The following NKAIN3 variants were observed in gnomAD, a reference collection of about 807,000 sequenced individuals.
NKAIN3 encodes sodium/potassium transporting ATPase interacting 3.
NKAIN3 carries 25 observed loss-of-function variants against 30.2 expected under a neutral mutation model. The ratio of observed to expected loss-of-function variants is 0.83; its 90% confidence interval spans 0.60 to 1.16. NKAIN3 has a LOEUF of 1.16. Among genes scored for constraint, NKAIN3 ranks in the 50% most tolerant of loss-of-function variants. NKAIN3 has a pLI of 0.00. For synonymous variants in NKAIN3, 91 were observed against 89.6 expected (o/e 1.02, Z -0.09); for missense variants, 225 against 254.1 (o/e 0.89, Z 0.78).
At chr8:62,348,267 C>T (rs912237674) in intron 1 of NKAIN3, among the ~76,000 whole-genome samples, 12 of 151,930 alleles carry the variant, frequency 7.9e-5, no homozygotes, top group African/African-American at 1.5e-4. Context: ...ATAAATTATT[C>T]GACTTAAACT....
intron 4 of NKAIN3, among the ~76,000 whole-genome samples, chr8:62,847,524 A>G (rs1186889505): frequency 6.6e-6 from 1 of 152,024 alleles, no homozygotes; most frequent in African/African-American, 2.4e-5. Context: ...CCACTTTTTA[A>G]TGGAGTTGTT....
In NKAIN3 at chr8:62,249,053, C is replaced by T. The variant is rs2272013; in HGVS notation, c.-21C>T. On this transcript the variant is annotated 5_prime_UTR_variant, in exon 1 of 7. Coordinates refer to ENST00000623646, the MANE Select transcript of NKAIN3 (RefSeq NM_001304533.3). ...GACGAGGATCTCTGGCAGTCAGCGC[C>T]GCTCGGACGCCGCCGGCACCATGGG... 2.6e-6 allele frequency: 4 copies of T among 1,532,078 alleles called. No homozygotes were observed. Among genetic ancestry groups the T allele is most frequent in the African/African-American group, 1.4e-5 (1 of 70,874 alleles). 94.9% of individuals were successfully genotyped at this position (1,532,078 alleles called of 1,614,324 possible).
At chr8:62,603,620 A>C (rs1811044249) in intron 3 of NKAIN3, among the ~76,000 whole-genome samples, 1 of 152,124 alleles carries the variant, frequency 6.6e-6, no homozygotes, top group Non-Finnish European at 1.5e-5. Flanking sequence ...CCATGCTATA[A>C]TGGCATGAGG....
At chr8:62,706,205 A>G (rs1182929328) in intron 3 of NKAIN3, among the ~76,000 whole-genome samples, 1 of 152,154 alleles carries the variant, frequency 6.6e-6, no homozygotes, top group East Asian at 1.9e-4. Flanking sequence ...TTCAGTATTC[A>G]GTATGCATCT....
chr8:62,844,085 C>CTG (rs1325926431), intron 4 of NKAIN3, among the ~76,000 whole-genome samples: 4 of 152,200 alleles, frequency 2.6e-5, no homozygotes, highest in Non-Finnish European at 5.9e-5. Context: ...CAAATTAATA[C>CTG]TGTAGTAACA....
At chr8:62,530,092 A>G (rs1466972776) in intron 1 of NKAIN3, among the ~76,000 whole-genome samples, 1 of 152,148 alleles carries the variant, frequency 6.6e-6, no homozygotes, top group African/African-American at 2.4e-5. Context: ...TTGTAATTAT[A>G]ATAGAAACAA....
intron 4 of NKAIN3, among the ~76,000 whole-genome samples, chr8:62,748,490 T>G (rs1816162239): frequency 6.6e-6 from 1 of 152,168 alleles, no homozygotes; most frequent in African/African-American, 2.4e-5. Context: ...ACTCAGCCTG[T>G]AGTTAATGTG....
intron 4 of NKAIN3, among the ~76,000 whole-genome samples, chr8:62,880,578 A>C (rs758921405): frequency 2.0e-4 from 30 of 152,232 alleles, no homozygotes; most frequent in Non-Finnish European, 3.5e-4. Context: ...TGCACACTTT[A>C]AGTAGATTGA....
chr8:62,314,545 A>G (rs1814550258), intron 1 of NKAIN3, among the ~76,000 whole-genome samples: 1 of 152,206 alleles, frequency 6.6e-6, no homozygotes, highest in Non-Finnish European at 1.5e-5. Flanking sequence ...TTTCCTTGTG[A>G]AAAGGACTCT....
At chr8:62,637,687 C>T (rs1372043090) in intron 3 of NKAIN3, among the ~76,000 whole-genome samples, 4 of 152,100 alleles carry the variant, frequency 2.6e-5, no homozygotes, top group East Asian at 1.9e-4. Context: ...AATTGCACAG[C>T]GATGGTTCAA....
chr8:62,351,785 C>G (rs998466546), intron 1 of NKAIN3, among the ~76,000 whole-genome samples: 3 of 152,100 alleles, frequency 2.0e-5, no homozygotes, highest in Non-Finnish European at 2.9e-5. Flanking sequence ...TTCTATTGGA[C>G]TGAACATAAT....
At chr8:62,594,559 C>G (rs1333892540) in intron 3 of NKAIN3, among the ~76,000 whole-genome samples, 2 of 152,016 alleles carry the variant, frequency 1.3e-5, no homozygotes, top group Non-Finnish European at 1.5e-5. Flanking sequence ...CTACAAAGGC[C>G]CAACCAAATG....
At chr8:62,337,870 A>G (rs1389524216) in intron 1 of NKAIN3, among the ~76,000 whole-genome samples, 1 of 152,058 alleles carries the variant, frequency 6.6e-6, no homozygotes, top group Non-Finnish European at 1.5e-5. Context: ...GTGAAAAACA[A>G]CTGGTCAAGA....
chr8:62,941,035 G>T (rs566957811), intron 5 of NKAIN3, among the ~76,000 whole-genome samples: 2 of 151,302 alleles, frequency 1.3e-5, no homozygotes, highest in African/African-American at 4.8e-5. Flanking sequence ...AAAAGAGAGA[G>T]AATCCAAATA....
intron 5 of NKAIN3, among the ~76,000 whole-genome samples, chr8:62,919,251 TTTTTTTTTTTTG>T (rs1441062396): frequency 8.8e-6 from 1 of 113,132 alleles, no homozygotes; most frequent in African/African-American, 3.6e-5. Flanking sequence ...TTTTTTTTTT[TTTTTTTTTTTTG>T]AGACGGAGTC....
chr8:62,607,770 G>A (rs1323276954), intron 3 of NKAIN3, among the ~76,000 whole-genome samples: 1 of 151,934 alleles, frequency 6.6e-6, no homozygotes, highest in Non-Finnish European at 1.5e-5. Flanking sequence ...GTATCCTGAA[G>A]GATGACTGCT....
chr8:62,433,796 G>A (rs1300282949), intron 1 of NKAIN3, among the ~76,000 whole-genome samples: 1 of 152,010 alleles, frequency 6.6e-6, no homozygotes, highest in East Asian at 1.9e-4. Flanking sequence ...AACTTCCCTG[G>A]CATAAATATC....
At position 62,675,237 on chromosome 8, in the gene NKAIN3, C is replaced by T. The variant is rs76596688; in HGVS notation, c.274-71695C>T. Among the ~76,000 whole-genome samples, 546 of 152,192 alleles carry T rather than the reference C, an allele frequency of 3.6e-3. 5 individuals are homozygous for T. Among genetic ancestry groups the T allele is most frequent in the African/African-American group, 0.012 (508 of 41,512 alleles). On this transcript the variant is annotated intron_variant, in intron 3 of 6. Coordinates refer to ENST00000623646, the MANE Select transcript of NKAIN3 (RefSeq NM_001304533.3). Reference sequence around the variant, plus strand: ...AAAATTAGAAGTGATTTTTTCCCACCGTAGCAAGACCTTTATCCTGTGTCA... The same window carrying T: ...AAAATTAGAAGTGATTTTTTCCCACTGTAGCAAGACCTTTATCCTGTGTCA...
chr8:62,797,727 G>T (rs1817905597), intron 4 of NKAIN3, among the ~76,000 whole-genome samples: 1 of 152,182 alleles, frequency 6.6e-6, no homozygotes, highest in Non-Finnish European at 1.5e-5. Context: ...AACTCATGCT[G>T]AAGTCCTAAC....
Sources: gnomAD v4.1 joint callset for allele counts (sites outside exome capture counted in the v4.1 genomes callset) on GRCh38, gnomAD v4.1.1 for gene constraint, MANE v1.5 for transcripts, NCBI Gene and HGNC (gene_info 2026-07-23, HGNC 2026-07-21) for gene names.